Variants in EPB41L4B observed in about 807,000 individuals in gnomAD.
The protein encoded by EPB41L4B is band 4.1-like protein 4B.
A neutral mutation model predicts 112.5 loss-of-function variants in EPB41L4B; 30 were observed. The observed-to-expected ratio is 0.27, with a 90% confidence interval of 0.20 to 0.36. The LOEUF is 0.36. Ranked by LOEUF, EPB41L4B falls within the 10% of genes least tolerant of loss-of-function variation. The pLI is 1.00. For missense variants in EPB41L4B, 1,024 were observed against 1,133.3 expected (o/e 0.90, Z 1.38); for synonymous variants, 408 against 439.7 (o/e 0.93, Z 0.90).
intron 8 of EPB41L4B, 27 bp from the exon 9 acceptor site, chr9:109,256,251 T>C: frequency 1.2e-6 from 2 of 1,607,546 alleles, no homozygotes; most frequent in Non-Finnish European, 1.7e-6. Flanking sequence ...TGACAATCGG[T>C]AGAGGGTTCT....
intron 19 of EPB41L4B, among the ~76,000 whole-genome samples, chr9:109,202,610 C>T (rs1364196928): frequency 6.6e-6 from 1 of 152,192 alleles, no homozygotes; most frequent in Non-Finnish European, 1.5e-5. Flanking sequence ...CCACCACCAC[C>T]ATGCCAAGAA....
Position 109,320,485 on chromosome 9 carries a change from GCC to G in EPB41L4B, c.-41_-40del. The G allele has an allele frequency of 1.3e-6, 1 of 766,148 alleles. No homozygotes were observed. The highest frequency in any genetic ancestry group is 1.6e-6 in the Non-Finnish European group (1 of 634,662). 47.5% of individuals were successfully genotyped at this position (766,148 alleles called of 1,614,324 possible). On this transcript the variant is annotated 5_prime_UTR_variant, in exon 1 of 26. Coordinates refer to ENST00000374566, the MANE Select transcript of EPB41L4B (RefSeq NM_019114.5). ...GCCCCCTGCCTCCGCCCCCTGCGCT[GCC>G]GCTGCCGCTGCCGCTGCCGCTGCGC... is the stretch of plus-strand genomic sequence containing the variant.
rs781433946 is a variant in EPB41L4B, at chr9:109,178,384, TC to T, written c.2488-1689del. Among the ~76,000 whole-genome samples the T allele has an allele frequency of 9.8e-4, 144 of 146,988 alleles. 6 individuals carry two copies. Among genetic ancestry groups the T allele is most frequent in the East Asian group, 4.9e-3 (24 of 4,946 alleles). On this transcript the variant is annotated intron_variant, in intron 24 of 25. Transcript: ENST00000374566. ...TCTGATCATCAAATGAGCAGTATCT[TC>T]TTTTTTTTTTTTTTGAGTTGGAGTT...
intron 15 of EPB41L4B, among the ~76,000 whole-genome samples, chr9:109,231,052 A>C (rs1345891156): frequency 6.6e-6 from 1 of 151,766 alleles, no homozygotes; most frequent in African/African-American, 2.4e-5. Context: ...CCAGCTACCC[A>C]GGAGAATGAA....
In EPB41L4B at chr9:109,194,327, T is replaced by C. The variant is rs535114214; in HGVS notation, c.2116A>G (p.Thr706Ala). 19 of 1,614,148 alleles carry C rather than the reference T, an allele frequency of 1.2e-5. No homozygotes were observed. In the African/African-American group the frequency reaches 2.3e-4, roughly 19 times the overall value. The change falls in exon 21 of 26, where the codon ACA becomes GCA. Residue 706 changes from threonine to alanine, a missense_variant. Coordinates refer to ENST00000374566, the MANE Select transcript of EPB41L4B (RefSeq NM_019114.5). ...ACGGAGACTTGTGTGGCGGCCGTTG[T>C]GGTGTTTGTGGTTGTAGATGTGGTC... is the stretch of plus-strand genomic sequence containing the variant. ...GVTTSTTTNT[T>A]TAATQVSVPL... is the part of the protein sequence containing the mutation.
At chr9:109,307,432 G>A (rs1260308594) in intron 1 of EPB41L4B, among the ~76,000 whole-genome samples, 1 of 152,066 alleles carries the variant, frequency 6.6e-6, no homozygotes, top group Non-Finnish European at 1.5e-5. Context: ...GTTTCATCCT[G>A]GAGTGTCCCA....
chr9:109,220,807 G>T (rs2118855030), intron 15 of EPB41L4B, among the ~76,000 whole-genome samples: 1 of 152,230 alleles, frequency 6.6e-6, no homozygotes, highest in African/African-American at 2.4e-5. Flanking sequence ...GTGTGTGTAA[G>T]AATGTGGAAG....
chr9:109,241,181 G>A, intron 15 of EPB41L4B: 2 of 985,632 alleles, frequency 2.0e-6, no homozygotes, highest in Non-Finnish European at 2.4e-6. Context: ...GGACCTTGGA[G>A]ATCACTTAGT....
chr9:109,205,030 A>G (rs1832949568), intron 18 of EPB41L4B, among the ~76,000 whole-genome samples: 1 of 152,206 alleles, frequency 6.6e-6, no homozygotes, highest in Non-Finnish European at 1.5e-5. Context: ...AGTTCTACAG[A>G]TAACAGTAGG....
At chr9:109,270,164 T>C (rs868187932) in intron 2 of EPB41L4B, among the ~76,000 whole-genome samples, 3 of 152,154 alleles carry the variant, frequency 2.0e-5, no homozygotes, top group Non-Finnish European at 4.4e-5. Context: ...ATCCATATAA[T>C]GAAATACTAT....
intron 1 of EPB41L4B, among the ~76,000 whole-genome samples, chr9:109,293,711 A>C (rs960512716): frequency 2.8e-4 from 43 of 151,876 alleles, no homozygotes; most frequent in African/African-American, 9.4e-4. Context: ...AAAAAAAAAA[A>C]AAAAAAAAAC....
At chr9:109,222,389 A>G (rs1833609658) in intron 15 of EPB41L4B, among the ~76,000 whole-genome samples, 1 of 152,176 alleles carries the variant, frequency 6.6e-6, no homozygotes, top group African/African-American at 2.4e-5. Context: ...TCTAACATGG[A>G]GAAGTTTTGT....
In EPB41L4B at chr9:109,240,835, GA is replaced by G. The variant is rs556319251; in HGVS notation, c.1409+2782del. ...GTGTGTATTCACAATTATGTCTTCTGAAATCACGCAAGTTAGCAGCACCAAT... is the reference window on the plus strand; with the variant it reads ...GTGTGTATTCACAATTATGTCTTCTGAATCACGCAAGTTAGCAGCACCAAT... On this transcript the variant is annotated intron_variant, in intron 15 of 25. Coordinates refer to ENST00000374566, the MANE Select transcript of EPB41L4B (RefSeq NM_019114.5). 5.9e-5 allele frequency: 58 copies of G among 985,398 alleles called. 1 individual carries two copies. In the South Asian group the frequency reaches 2.2e-3, roughly 38 times the overall value. 61.0% of individuals were successfully genotyped at this position (985,398 alleles called of 1,614,324 possible).
intron 20 of EPB41L4B, among the ~76,000 whole-genome samples, chr9:109,194,686 G>A (rs1295400004): frequency 1.7e-4 from 26 of 152,102 alleles, no homozygotes; most frequent in Admixed American, 1.7e-3. Flanking sequence ...CAATTCAGTG[G>A]CATTAAATGC....
At chr9:109,225,474 A>G (rs1291760758) in intron 15 of EPB41L4B, among the ~76,000 whole-genome samples, 2 of 152,210 alleles carry the variant, frequency 1.3e-5, no homozygotes, top group Non-Finnish European at 2.9e-5. Flanking sequence ...GGCGGTAGAC[A>G]AGAGAGAATG....
intron 19 of EPB41L4B, among the ~76,000 whole-genome samples, chr9:109,200,639 A>C (rs868748539): frequency 1.4e-4 from 22 of 152,220 alleles, no homozygotes; most frequent in South Asian, 4.1e-4. Flanking sequence ...CCCCAATATG[A>C]GGGGTGAACC....
At chr9:109,288,488 A>AGGCG (rs1836385599) in intron 1 of EPB41L4B, among the ~76,000 whole-genome samples, 4 of 151,990 alleles carry the variant, frequency 2.6e-5, no homozygotes, top group Non-Finnish European at 5.9e-5. Context: ...TGGGAGGCCG[A>AGGCG]GGCGGGCGGA....
chr9:109,220,766 GGTGT>G (rs1372708131), intron 15 of EPB41L4B, among the ~76,000 whole-genome samples: 1 of 151,750 alleles, frequency 6.6e-6, no homozygotes, highest in East Asian at 1.9e-4. Context: ...TGCGTGTGTT[GGTGT>G]GTGTGAGCAT....
At chr9:109,253,129 A>G (rs931932493) in intron 12 of EPB41L4B, among the ~76,000 whole-genome samples, 1 of 152,362 alleles carries the variant, frequency 6.6e-6, no homozygotes, top group East Asian at 1.9e-4. Context: ...TAGGCAAGAA[A>G]GGTGTTTCCC....
Sources: allele counts gnomAD v4.1 joint callset (sites outside exome capture counted in the v4.1 genomes callset), GRCh38; gene constraint gnomAD v4.1.1; transcripts MANE v1.5; gene names NCBI Gene and HGNC (gene_info 2026-07-23, HGNC 2026-07-21).